The following RELN variants were observed in gnomAD, a reference collection of about 807,000 sequenced individuals.
RELN encodes reelin.
A neutral mutation model predicts 427.6 loss-of-function variants in RELN; 108 were observed. The observed-to-expected ratio is 0.25, with a 90% CI of 0.22 to 0.30. The LOEUF is 0.30. RELN is among the 10% of genes least tolerant of loss of function. The pLI is 1.00. For synonymous variants in RELN, 1,524 were observed against 1,513.4 expected (o/e 1.01, Z -0.16); for missense variants, 3,715 against 4,302.8 (o/e 0.86, Z 3.82).
intron 1 of RELN, among the ~76,000 whole-genome samples, chr7:103,942,517 C>T (rs1796135804): frequency 6.6e-6 from 1 of 152,146 alleles, no homozygotes; most frequent in Non-Finnish European, 1.5e-5. Flanking sequence ...GTTAGTAATG[C>T]ACATTTTCAA....
rs544234323 is a variant in RELN at position 103,737,851 on chromosome 7, C to A, written c.657-9644G>T. Among the ~76,000 whole-genome samples the A allele has an allele frequency of 3.9e-5, 6 of 152,222 alleles. No homozygotes were observed. In the South Asian group the frequency reaches 1.0e-3, roughly 26 times the overall value. ...CAATCCAATGCAATGCCAATCATGG[C>A]TTTAGCTTCCTTTGTTGTAAATTGT... On this transcript the variant is annotated intron_variant, in intron 6 of 64. Transcript: ENST00000428762.
At chr7:103,555,115 G>A (rs1830494977) in intron 38 of RELN, among the ~76,000 whole-genome samples, 1 of 152,122 alleles carries the variant, frequency 6.6e-6, no homozygotes, top group African/African-American at 2.4e-5. Context: ...TATAGTATTT[G>A]ATTCAGTGAT....
chr7:103,981,785 C>T (rs554977934), intron 1 of RELN, among the ~76,000 whole-genome samples: 97 of 152,322 alleles, frequency 6.4e-4, no homozygotes, highest in Non-Finnish European at 2.1e-4. Context: ...GTATCATCTC[C>T]GAGCTAGAAT....
At position 103,574,168 on chromosome 7, in the gene RELN, C is replaced by T. The variant is rs781311212; in HGVS notation, c.4435G>A (p.Asp1479Asn). The change falls in exon 30 of 65, where the codon GAT (aspartate) becomes AAT (asparagine). Residue 1479 changes from aspartate (D) to asparagine (N), a missense_variant. This residue lies in a region of RELN where 2,208 missense variants were observed against 2,361.7 expected (regional missense o/e 0.93). Transcript: ENST00000428762. ...CCATTGAAGTAGAGAGATTTGCCAT[C>T]GTTAAGTGTTCCACAGCCAGTTCCA... is the stretch of plus-strand genomic sequence containing the variant. ...QVGTGCGTLN[D>N]GKSLYFNGPG... 15 of 1,614,168 alleles carry T rather than the reference C, an allele frequency of 9.3e-6. No individual in the cohort carries two copies. The highest frequency in any genetic ancestry group is 2.2e-5 in the South Asian group (2 of 91,078).
chr7:103,989,566 C>A lies in RELN; in HGVS notation c.-210G>T. ...CCAAAGTTACTTTGGGCCGCGGGAG[C>A]GCGGGACCGGGGCTGCGGGCGCCGA... On this transcript the variant is annotated 5_prime_UTR_variant, in exon 1 of 65. Coordinates refer to ENST00000428762, the MANE Select transcript of RELN (RefSeq NM_005045.4). This position sits in a 1 kb window ranked among gnomAD's most constrained non-coding sequence, Gnocchi z 4.9. 2.3e-6 allele frequency: 1 copy of A among 428,798 alleles called. No individual in the cohort carries two copies. The highest frequency in any genetic ancestry group is 3.9e-6 in the Non-Finnish European group (1 of 255,894). The allele number at this position is 428,798 out of a possible 1,614,324, so 26.6% of individuals were successfully genotyped here.
chr7:103,849,043 A>T lies in RELN; in HGVS notation c.338-15371T>A, dbSNP rs147033999. 1.2e-4 allele frequency among the ~76,000 whole-genome samples: 19 copies of T among 152,354 alleles called. No individual in the cohort carries two copies. In the East Asian group the frequency reaches 3.3e-3, roughly 26 times the overall value. On this transcript the variant is annotated intron_variant, in intron 2 of 64. Coordinates refer to ENST00000428762, the MANE Select transcript of RELN (RefSeq NM_005045.4). ...AGCCTACCAGGTGTGACAGGGTCACATCATGTCAGAAGATGTGACAGTGCT... is the reference window on the plus strand; with the variant it reads ...AGCCTACCAGGTGTGACAGGGTCACTTCATGTCAGAAGATGTGACAGTGCT...
chr7:103,654,670 T>C lies in RELN; in HGVS notation c.1442-465A>G, dbSNP rs116576138. On this transcript the variant is annotated intron_variant, in intron 12 of 64. Coordinates refer to ENST00000428762, the MANE Select transcript of RELN (RefSeq NM_005045.4). The stretch of plus-strand genomic sequence containing the variant: ...AAACTGTTGCACATAGTATCTTTAA[T>C]ATTTTAGCATATTATTTGTACTTTA... 5.2e-3 allele frequency among the ~76,000 whole-genome samples: 794 copies of C among 152,282 alleles called. 6 individuals carry two copies. Among genetic ancestry groups the C allele is most frequent in the African/African-American group, 0.018 (760 of 41,566 alleles).
intron 6 of RELN, among the ~76,000 whole-genome samples, chr7:103,738,556 A>G (rs1337218297): frequency 6.7e-6 from 1 of 149,880 alleles, no homozygotes. Context: ...TTACCAGTCA[A>G]CTCTCTGTCC....
chr7:103,497,978 C>T (rs527564067), intron 54 of RELN, 52 bp from the exon 55 acceptor site: 5 of 1,600,844 alleles, frequency 3.1e-6, no homozygotes, highest in Non-Finnish European at 4.3e-6. Flanking sequence ...AACAAATACT[C>T]TACTCAAGTC....
chr7:103,679,514 C>G (rs1007687496), intron 11 of RELN, among the ~76,000 whole-genome samples: 1 of 152,154 alleles, frequency 6.6e-6, no homozygotes, highest in Non-Finnish European at 1.5e-5. Flanking sequence ...CCTGGAAGTA[C>G]CAGCTTCTTA....
intron 2 of RELN, among the ~76,000 whole-genome samples, chr7:103,912,632 T>C (rs1251088748): frequency 6.6e-6 from 1 of 152,122 alleles, no homozygotes; most frequent in African/African-American, 2.4e-5. Flanking sequence ...ATCTAGGAAG[T>C]ACAAAGACCT....
intron 2 of RELN, among the ~76,000 whole-genome samples, chr7:103,843,055 A>C (rs1396600606): frequency 6.6e-6 from 1 of 152,174 alleles, no homozygotes; most frequent in Non-Finnish European, 1.5e-5. Flanking sequence ...AGGTTACTCT[A>C]TCATTCTATT....
chr7:103,808,247 A>T (rs569369446), intron 3 of RELN, among the ~76,000 whole-genome samples: 55 of 129,950 alleles, frequency 4.2e-4, no homozygotes, highest in African/African-American at 1.5e-3. Flanking sequence ...AACATCACAC[A>T]CTGGGGACTG....
chr7:103,719,631 C>T (rs1430416936), intron 8 of RELN, among the ~76,000 whole-genome samples: 1 of 152,032 alleles, frequency 6.6e-6, no homozygotes, highest in Admixed American at 6.6e-5. Flanking sequence ...GGTACTACCG[C>T]CATTTCCTTT....
chr7:103,556,858 T>C (rs993806113), intron 38 of RELN, 119 bp downstream of exon 38: 2 of 845,316 alleles, frequency 2.4e-6, no homozygotes, highest in South Asian at 2.7e-5. Context: ...GCATGTAAAA[T>C]GTGTGTGCTG....
intron 1 of RELN, among the ~76,000 whole-genome samples, chr7:103,922,712 C>T (rs1795643144): frequency 6.6e-6 from 1 of 152,074 alleles, no homozygotes; most frequent in Admixed American, 6.6e-5. Context: ...ACCCTAATAC[C>T]ATTCTTGCAG....
chr7:103,965,494 GT>G (rs1339302993), intron 1 of RELN, among the ~76,000 whole-genome samples: 1 of 152,064 alleles, frequency 6.6e-6, no homozygotes, highest in East Asian at 1.9e-4. Context: ...ATAAAATCAT[GT>G]CTTTGAATGG....
At chr7:103,500,958 A>AAAGTT (rs1422812355) in intron 52 of RELN, 36 bp from the exon 53 acceptor site, 2 of 1,602,640 alleles carry the variant, frequency 1.2e-6, no homozygotes, top group Non-Finnish European at 1.7e-6. Flanking sequence ...GTGAAAAACA[A>AAAGTT]AAGTTAACTG....
chr7:103,795,620 C>G (rs1792280850), intron 3 of RELN, among the ~76,000 whole-genome samples: 1 of 152,082 alleles, frequency 6.6e-6, no homozygotes, highest in Non-Finnish European at 1.5e-5. Context: ...AACAAAACAT[C>G]CAATTTCAGG....
Sources: gnomAD v4.1 joint callset for allele counts (sites outside exome capture counted in the v4.1 genomes callset) on GRCh38, gnomAD v4.1.1 for gene constraint, gnomAD v4.1.1 regional missense constraint, Gnocchi (gnomAD v3.1) non-coding constraint, MANE v1.5 for transcripts, NCBI Gene and HGNC (gene_info 2026-07-23, HGNC 2026-07-21) for gene names.